Variants in TBC1D9 observed in about 807,000 individuals in gnomAD.
The protein encoded by TBC1D9 is TBC1 domain family member 9.
Under a neutral mutation model 132.0 loss-of-function variants are expected in TBC1D9, and 63 were observed. That is an observed-to-expected ratio of 0.48 (90% CI 0.39 to 0.59). TBC1D9 has a LOEUF of 0.59. Among genes scored for constraint, TBC1D9 ranks in the 20% least tolerant of loss-of-function variants. The pLI is 0.00. For synonymous variants in TBC1D9, 610 were observed against 609.9 expected (o/e 1.00, Z 0.00); for missense variants, 1,261 against 1,592.7 (o/e 0.79, Z 3.54).
At position 140,622,705 on chromosome 4, in the gene TBC1D9, G is replaced by C; in HGVS notation, c.3291C>G (p.Pro1097=). Residue 1097 remains proline, a synonymous_variant, in exon 21 of 21, where the codon CCC becomes CCG. Transcript: ENST00000442267. ...CHQGIPGVLF[P]KKGPGQPYVV... ...CGTAAGGCTGGCCTGGCCCTTTCTTGGGGAAGAGCACGCCTGGGATGCCCT... is the reference window on the plus strand; with the variant it reads ...CGTAAGGCTGGCCTGGCCCTTTCTTCGGGAAGAGCACGCCTGGGATGCCCT... 6.2e-7 allele frequency: 1 copy of C among 1,611,290 alleles called. No homozygotes were observed. The highest frequency in any genetic ancestry group is 1.1e-5 in the South Asian group (1 of 90,896).
At chr4:140,713,704 C>T (rs1315428591) in intron 1 of TBC1D9, among the ~76,000 whole-genome samples, 1 of 151,044 alleles carries the variant, frequency 6.6e-6, no homozygotes, top group East Asian at 2.0e-4. Flanking sequence ...ACACCCTGCA[C>T]TTCAGCCTGG....
At chr4:140,664,710 C>T (rs1168680870) in intron 9 of TBC1D9, among the ~76,000 whole-genome samples, 3 of 152,122 alleles carry the variant, frequency 2.0e-5, no homozygotes. Flanking sequence ...TAAGACAATT[C>T]ACTGGGGGAA....
At chr4:140,718,191 A>G (rs1022392171) in intron 1 of TBC1D9, among the ~76,000 whole-genome samples, 3 of 150,508 alleles carry the variant, frequency 2.0e-5, no homozygotes, top group African/African-American at 7.4e-5. Context: ...TAAATGAAAT[A>G]TGCTTTATTT....
At chr4:140,673,542 A>G (rs1201035285) in intron 6 of TBC1D9, among the ~76,000 whole-genome samples, 2 of 152,138 alleles carry the variant, frequency 1.3e-5, no homozygotes, top group Non-Finnish European at 2.9e-5. Flanking sequence ...ACCTAAAGGT[A>G]ATAAAAATTA....
Position 140,622,619 on chromosome 4 carries a change from A to AGGGAGT in TBC1D9, c.3371_3376dup (p.His1124_Ser1125dup). 1 of 1,613,424 alleles carries AGGGAGT rather than the reference A, an allele frequency of 6.2e-7. No homozygotes were observed. Among genetic ancestry groups the AGGGAGT allele is most frequent in the Non-Finnish European group, 8.5e-7 (1 of 1,179,550 alleles). Reference sequence around the variant, plus strand: ...CTTGATGTCCTCCATTTGTCCTCCAAGGGAGTGTTCCTCGCTGTCGGGGGC... The same window carrying AGGGAGT: ...CTTGATGTCCTCCATTTGTCCTCCAAGGGAGTGGGAGTGTTCCTCGCTGTCGGGGGC... On this transcript the variant is annotated inframe_insertion, in exon 21 of 21. Transcript: ENST00000442267.
chr4:140,676,948 G>A lies in TBC1D9; in HGVS notation c.1005C>T (p.Ile335=). 1 of 1,614,006 alleles carries A rather than the reference G, an allele frequency of 6.2e-7. No individual in the cohort carries two copies. Among genetic ancestry groups the A allele is most frequent in the Non-Finnish European group, 8.5e-7 (1 of 1,179,880 alleles). Residue 335 remains isoleucine, a synonymous_variant, in exon 6 of 21, where the codon ATC becomes ATT. Coordinates refer to ENST00000442267, the MANE Select transcript of TBC1D9 (RefSeq NM_015130.3). ...AGTTCTCCTCCTTGCTGGTAAAACAGATGTAATTTGTGGACACAAACATCT... is the reference window on the plus strand; with the variant it reads ...AGTTCTCCTCCTTGCTGGTAAAACAAATGTAATTTGTGGACACAAACATCT... ...LGQMFVSTNY[I]CFTSKEENLC...
At chr4:140,732,180 C>T (rs1185723017) in intron 1 of TBC1D9, among the ~76,000 whole-genome samples, 1 of 152,142 alleles carries the variant, frequency 6.6e-6, no homozygotes, top group Non-Finnish European at 1.5e-5. Flanking sequence ...TATTGATAAA[C>T]ATACGAATAA....
At chr4:140,754,613 T>TC (rs1738975624) in intron 1 of TBC1D9, among the ~76,000 whole-genome samples, 1 of 19,106 alleles carries the variant, frequency 5.2e-5, no homozygotes, top group Admixed American at 9.9e-4. Flanking sequence ...GGACTCTGTC[T>TC]CAAAAAAAAA....
At chr4:140,737,654 A>G (rs567220482) in intron 1 of TBC1D9, among the ~76,000 whole-genome samples, 1 of 152,336 alleles carries the variant, frequency 6.6e-6, no homozygotes, top group Non-Finnish European at 1.5e-5. Context: ...AACAATACAA[A>G]GTGAACTGAA....
At position 140,635,384 on chromosome 4, in the gene TBC1D9, A is replaced by C. The variant is rs575926043; in HGVS notation, c.2506-1196T>G. Among the ~76,000 whole-genome samples, 360 of 152,296 alleles carry C rather than the reference A, an allele frequency of 2.4e-3. 1 individual carries two copies. Among genetic ancestry groups the C allele is most frequent in the African/African-American group, 8.2e-3 (339 of 41,564 alleles). ...GTAGTCCCAGCTACTTGGGAGGCTGAGGTGGGAGGATAGTTTGAGCCCAGG... is the reference window on the plus strand; with the variant it reads ...GTAGTCCCAGCTACTTGGGAGGCTGCGGTGGGAGGATAGTTTGAGCCCAGG... On this transcript the variant is annotated intron_variant, in intron 15 of 20. Transcript: ENST00000442267.
chr4:140,699,436 G>A (rs1187911400), intron 2 of TBC1D9, among the ~76,000 whole-genome samples: 1 of 152,174 alleles, frequency 6.6e-6, no homozygotes, highest in East Asian at 1.9e-4. Context: ...GATCAAGGAG[G>A]CCCGCAGTCA....
intron 2 of TBC1D9, among the ~76,000 whole-genome samples, chr4:140,698,478 C>T (rs1035123625): frequency 5.3e-5 from 8 of 152,148 alleles, no homozygotes; most frequent in South Asian, 4.1e-4. Flanking sequence ...TGGCCTGGTA[C>T]GGTGGCTCAT....
chr4:140,699,931 G>C (rs1238634925), intron 2 of TBC1D9, among the ~76,000 whole-genome samples: 3 of 151,158 alleles, frequency 2.0e-5, no homozygotes, highest in African/African-American at 7.3e-5. Flanking sequence ...AAAAATAAAA[G>C]TTAAAAAAAG....
intron 1 of TBC1D9, among the ~76,000 whole-genome samples, chr4:140,744,357 A>G (rs575180902): frequency 1.8e-4 from 28 of 152,268 alleles, no homozygotes; most frequent in Admixed American, 9.2e-4. Flanking sequence ...CAAAGAAACC[A>G]AAAAACTAGT....
intron 1 of TBC1D9, among the ~76,000 whole-genome samples, chr4:140,735,343 T>TCCTGTG (rs1468349363): frequency 1.3e-5 from 2 of 152,196 alleles, no homozygotes; most frequent in African/African-American, 2.4e-5. Flanking sequence ...CTTTATAAAA[T>TCCTGTG]CCTGTGTTCA....
chr4:140,684,750 A>T (rs928656874), intron 3 of TBC1D9, among the ~76,000 whole-genome samples: 1 of 151,208 alleles, frequency 6.6e-6, no homozygotes, highest in Non-Finnish European at 1.5e-5. Flanking sequence ...GAATTGCTTG[A>T]ACCCAGGAGG....
At chr4:140,681,156 A>G (rs1737697112) in intron 3 of TBC1D9, among the ~76,000 whole-genome samples, 1 of 152,124 alleles carries the variant, frequency 6.6e-6, no homozygotes, top group Non-Finnish European at 1.5e-5. Flanking sequence ...AGCCAGCCTG[A>G]GGCACCCTTG....
chr4:140,717,279 G>C lies in TBC1D9; in HGVS notation c.131-15665C>G, dbSNP rs147818703. ...TGTCTTGTTTTGGAGCCGGAGTTGG[G>C]AGAGGGGTCAGGAAAGAGAGAGGGA... On this transcript the variant is annotated intron_variant, in intron 1 of 20. Coordinates refer to ENST00000442267, the MANE Select transcript of TBC1D9 (RefSeq NM_015130.3). Among the ~76,000 whole-genome samples, 258 of 152,316 alleles carry C rather than the reference G, an allele frequency of 1.7e-3. 3 individuals are homozygous for C. Among genetic ancestry groups the C allele is most frequent in the African/African-American group, 5.1e-3 (212 of 41,568 alleles).
rs1736601500 is a variant in TBC1D9 at position 140,620,879 on chromosome 4, A to G, written c.*1316T>C. The G allele has an allele frequency of 6.6e-6, 1 of 152,662 alleles. No individual in the cohort carries two copies. The highest frequency in any genetic ancestry group is 1.5e-5 in the Non-Finnish European group (1 of 68,032). 9.5% of individuals were successfully genotyped at this position (152,662 alleles called of 1,614,324 possible). On this transcript the variant is annotated 3_prime_UTR_variant, in exon 21 of 21. Coordinates refer to ENST00000442267, the MANE Select transcript of TBC1D9 (RefSeq NM_015130.3). ...TAAAAATCATCCTGTAAATAGAATA[A>G]AAAACAACAGCAGCAATAGCTAAAA... is the stretch of plus-strand genomic sequence containing the variant.
Sources: gnomAD v4.1 joint callset for allele counts (sites outside exome capture counted in the v4.1 genomes callset) on GRCh38, gnomAD v4.1.1 for gene constraint, MANE v1.5 for transcripts, NCBI Gene and HGNC (gene_info 2026-07-23, HGNC 2026-07-21) for gene names.